The following CUBN variants were observed in gnomAD, a reference collection of about 807,000 sequenced individuals.
The protein encoded by CUBN is cubilin.
Under a neutral mutation model 405.3 loss-of-function variants are expected in CUBN, and 282 were observed. The ratio of observed to expected loss-of-function variants is 0.70; its 90% confidence interval spans 0.63 to 0.77. The LOEUF (loss-of-function observed/expected upper bound fraction) is 0.77. Ranked by LOEUF, CUBN falls within the 30% of genes least tolerant of loss-of-function variation. The pLI is 0.00. For missense variants in CUBN, 4,514 were observed against 4,475.2 expected, an observed-to-expected ratio of 1.01 and a Z score of -0.25; for synonymous variants, 1,684 against 1,617.0, an observed-to-expected ratio of 1.04 and a Z score of -0.99.
At chr10:16,948,678 T>A (rs1842848023) in intron 34 of CUBN, 72 bp from the exon 35 acceptor site, 5 of 1,583,268 alleles carry the variant, frequency 3.2e-6, no homozygotes, top group Non-Finnish European at 4.3e-6. Flanking sequence ...AGGAAACACA[T>A]CTTTACTCGA....
chr10:16,964,443 A>G (rs941237459), intron 31 of CUBN, among the ~76,000 whole-genome samples: 2 of 152,190 alleles, frequency 1.3e-5, no homozygotes, highest in Non-Finnish European at 2.9e-5. Context: ...TATCTTAACT[A>G]TGCATGTTTG....
At chr10:16,870,956 A>C (rs1032503404) in intron 58 of CUBN, among the ~76,000 whole-genome samples, 1 of 152,150 alleles carries the variant, frequency 6.6e-6, no homozygotes, top group South Asian at 2.1e-4. Context: ...TGGGTTTATT[A>C]TAGCTTATTT....
chr10:16,831,496 T>A, intron 64 of CUBN, 79 bp from the exon 65 acceptor site: 1 of 1,267,658 alleles, frequency 7.9e-7, no homozygotes, highest in Non-Finnish European at 1.2e-6. Context: ...ACAATTTGAA[T>A]GATGACATTG....
Position 16,982,551 on chromosome 10 carries a change from T to A in CUBN, c.4628A>T (p.Asp1543Val). ...GTTCAAGAGAACACGATGATTTCTG[T>A]CAACCCGAATGACCCAAGAACAGTC... ...NTDCSWVIRV[D>V]RNHRVLLNFT... The change falls in exon 31 of 67, where the codon GAC becomes GTC. Residue 1543 changes from aspartate to valine, a missense_variant. By Grantham distance (152) the Asp-to-Val change is radical. This residue lies in a region of CUBN where 1,613 missense variants were observed against 1,542.8 expected (regional missense o/e 1.05). Transcript: ENST00000377833. The A allele has an allele frequency of 6.2e-7, 1 of 1,613,906 alleles. No homozygotes were observed. The highest frequency in any genetic ancestry group is 2.2e-5 in the East Asian group (1 of 44,872).
intron 48 of CUBN, among the ~76,000 whole-genome samples, chr10:16,911,407 AG>A (rs1841729824): frequency 6.6e-6 from 1 of 152,210 alleles, no homozygotes; most frequent in Non-Finnish European, 1.5e-5. Context: ...GTGGTGGCAA[AG>A]GGGTAAGTCT....
intron 22 of CUBN, among the ~76,000 whole-genome samples, chr10:17,062,017 G>T (rs1220414886): frequency 1.3e-5 from 2 of 152,068 alleles, no homozygotes; most frequent in African/African-American, 4.8e-5. Flanking sequence ...ATAGATTTGT[G>T]CTTCAAACTT....
intron 30 of CUBN, among the ~76,000 whole-genome samples, chr10:16,983,440 T>G (rs1406229276): frequency 6.6e-6 from 1 of 152,232 alleles, no homozygotes; most frequent in East Asian, 1.9e-4. Flanking sequence ...GGCAAGACAC[T>G]AACCTTTCTA....
chr10:16,948,222 G>A (rs1473092316), intron 35 of CUBN, among the ~76,000 whole-genome samples: 1 of 152,056 alleles, frequency 6.6e-6, no homozygotes, highest in African/African-American at 2.4e-5. Context: ...AACAACAAAA[G>A]AACACCAAGT....
chr10:16,889,429 C>T (rs918201848), intron 55 of CUBN, among the ~76,000 whole-genome samples: 14 of 152,198 alleles, frequency 9.2e-5, no homozygotes, highest in African/African-American at 3.4e-4. Context: ...TTTAACTCAG[C>T]CAACAGGCAC....
rs779298471 is a variant in CUBN, at chr10:16,954,380, G to C, written c.4855+9C>G. 1 of 1,613,994 alleles carries C rather than the reference G, an allele frequency of 6.2e-7. No individual in the cohort carries two copies. The highest frequency in any genetic ancestry group is 8.5e-7 in the Non-Finnish European group (1 of 1,179,942). On this transcript the variant is annotated intron_variant, in intron 32 of 66. Transcript: ENST00000377833. ...CTCTTGTGCCTGGGAAGATCCACAGGGTACTTGCCTTGCCTGAATTGAGCT... is the reference window on the plus strand; with the variant it reads ...CTCTTGTGCCTGGGAAGATCCACAGCGTACTTGCCTTGCCTGAATTGAGCT...
In CUBN at chr10:17,123,585, C is replaced by A. The variant is rs555885592; in HGVS notation, c.489+3G>T. ...ATTCTTAACCAAAGAGTAGATGACTCACCTTCCACTGTGGGGGACAGATAC... is the reference window on the plus strand; with the variant it reads ...ATTCTTAACCAAAGAGTAGATGACTAACCTTCCACTGTGGGGGACAGATAC... On this transcript the variant is annotated splice_donor_region_variant and intron_variant, in intron 5 of 66. Coordinates refer to ENST00000377833, the MANE Select transcript of CUBN (RefSeq NM_001081.4). The A allele has an allele frequency of 6.2e-7, 1 of 1,607,428 alleles. No homozygotes were observed. The highest frequency in any genetic ancestry group is 1.3e-5 in the African/African-American group (1 of 74,932).
rs1191273227 is a variant in CUBN, at chr10:16,970,326, C to G, written c.4695+12158G>C. ...ACGCCTATAATCCCAGCATTCACACCTGTAATCAGAGGCCGAGGCGGGTGG... is the reference window on the plus strand; with the variant it reads ...ACGCCTATAATCCCAGCATTCACACGTGTAATCAGAGGCCGAGGCGGGTGG... On this transcript the variant is annotated intron_variant, in intron 31 of 66. Coordinates refer to ENST00000377833, the MANE Select transcript of CUBN (RefSeq NM_001081.4). Among the ~76,000 whole-genome samples, 5 of 152,328 alleles carry G rather than the reference C, an allele frequency of 3.3e-5. No individual in the cohort carries two copies. The East Asian group carries it at 9.6e-4, about 29-fold the overall frequency.
intron 31 of CUBN, among the ~76,000 whole-genome samples, chr10:16,957,714 G>A (rs1300012265): frequency 6.6e-6 from 1 of 152,126 alleles, no homozygotes; most frequent in Non-Finnish European, 1.5e-5. Flanking sequence ...TGATCCAACA[G>A]TCTCACTCCT....
At chr10:17,100,813 C>G (rs982812659) in intron 13 of CUBN, among the ~76,000 whole-genome samples, 9 of 152,024 alleles carry the variant, frequency 5.9e-5, no homozygotes, top group African/African-American at 2.2e-4. Flanking sequence ...GCTTCAGGGA[C>G]TGGATATAAT....
intron 29 of CUBN, among the ~76,000 whole-genome samples, chr10:16,986,488 G>A (rs767897289): frequency 1.3e-5 from 2 of 152,174 alleles, no homozygotes; most frequent in East Asian, 1.9e-4. Flanking sequence ...ATCCGGTAAA[G>A]GCCAAAATGA....
rs1389474481 is a variant in CUBN, at chr10:16,849,699, TG to T, written c.9663+1535del. Among the ~76,000 whole-genome samples, 6 of 152,318 alleles carry T rather than the reference TG, an allele frequency of 3.9e-5. No individual in the cohort carries two copies. In the East Asian group the frequency reaches 1.2e-3, roughly 29 times the overall value. Reference sequence around the variant, plus strand: ...ACTTAAGTTTCTCTTGCACCCCTCTTGCCATCACCGCCATGGCTGCACCCCT... The same window carrying T: ...ACTTAAGTTTCTCTTGCACCCCTCTTCCATCACCGCCATGGCTGCACCCCT... On this transcript the variant is annotated intron_variant, in intron 60 of 66. Transcript: ENST00000377833.
chr10:16,865,577 T>C (rs1840158527), intron 59 of CUBN, among the ~76,000 whole-genome samples: 1 of 152,034 alleles, frequency 6.6e-6, no homozygotes, highest in Non-Finnish European at 1.5e-5. Context: ...AAGAGGATTG[T>C]AAAATGCACC....
chr10:17,019,070 G>T (rs1304152235), intron 28 of CUBN, among the ~76,000 whole-genome samples: 2 of 152,134 alleles, frequency 1.3e-5, no homozygotes, highest in East Asian at 3.9e-4. Flanking sequence ...CTGGGATGGG[G>T]CCCAAGAATT....
At chr10:17,000,164 C>T (rs7084165) in intron 28 of CUBN, among the ~76,000 whole-genome samples, 36,174 of 152,120 alleles carry the variant, frequency 0.24, 4,419 homozygotes, top group East Asian at 0.36. Context: ...CACTCTAGCC[C>T]GGCCAAGTTG....
Sources: allele counts gnomAD v4.1 joint callset (sites outside exome capture counted in the v4.1 genomes callset), GRCh38; gene constraint gnomAD v4.1.1; regional missense constraint gnomAD v4.1.1; transcripts MANE v1.5; gene names NCBI Gene and HGNC (gene_info 2026-07-23, HGNC 2026-07-21).